Variants in SLC17A7 observed in about 807,000 individuals in gnomAD.
The protein encoded by SLC17A7 is solute carrier family 17 member 7, also known as vesicular glutamate transporter 1.
Under a neutral mutation model 59.1 loss-of-function variants are expected in SLC17A7, and 15 were observed. That is an observed-to-expected ratio of 0.25 (90% CI 0.17 to 0.39). The LOEUF (loss-of-function observed/expected upper bound fraction) is 0.39, where lower values mean the gene tolerates loss of function less well. Ranked by LOEUF, SLC17A7 falls within the 10% of genes least tolerant of loss-of-function variation. The pLI, the probability that SLC17A7 is intolerant of heterozygous loss-of-function variation, is 1.00. For synonymous variants in SLC17A7, 353 were observed against 308.9 expected, an observed-to-expected ratio of 1.14 and a Z score of -1.50; for missense variants, 499 against 765.1, an observed-to-expected ratio of 0.65 and a Z score of 4.10.
chr19:49,436,488 G>A lies in SLC17A7; in HGVS notation c.315+61C>T, dbSNP rs1367125460. 2 of 1,580,468 alleles carry A rather than the reference G, an allele frequency of 1.3e-6. No homozygotes were observed. The highest frequency in any genetic ancestry group is 1.7e-6 in the Non-Finnish European group (2 of 1,165,468). The stretch of plus-strand genomic sequence containing the variant: ...CTGGTGGGTGAGTGTGACGTCATGG[G>A]GGCGTAGGCGGAGCTCGGTGAGCGG... On this transcript the variant is annotated intron_variant, in intron 2 of 11. Transcript: ENST00000221485. The surrounding 1 kb of genome is among the most constrained non-coding windows in gnomAD (Gnocchi z 4.1).
intron 1 of SLC17A7, among the ~76,000 whole-genome samples, chr19:49,439,945 A>G (rs1235484857): frequency 6.6e-6 from 1 of 151,670 alleles, no homozygotes; most frequent in African/African-American, 2.4e-5. Context: ...TCTCTCTCTC[A>G]TTCTCCTGAC....
chr19:49,432,969 G>A lies in SLC17A7; in HGVS notation c.868-9C>T. ...CAGGGAGTGCTAAACTTCTGTGGGG[G>A]CGAGGGGAGGGCCGCTAAGACGGGG... On this transcript the variant is annotated splice_polypyrimidine_tract_variant and intron_variant, in intron 7 of 11. Transcript: ENST00000221485. 2 of 1,604,166 alleles carry A rather than the reference G, an allele frequency of 1.2e-6. No individual in the cohort carries two copies. The highest frequency in any genetic ancestry group is 1.7e-6 in the Non-Finnish European group (2 of 1,175,610).
Position 49,431,917 on chromosome 19 carries a change from G to A in SLC17A7, c.1151-469C>T, listed in dbSNP as rs773527414. Reference sequence around the variant, plus strand: ...GCCTCCGAAAGTGCTGGGATAACAGGGGTTAGCCACCATGCCCTGCCTGTT... The same window carrying A: ...GCCTCCGAAAGTGCTGGGATAACAGAGGTTAGCCACCATGCCCTGCCTGTT... On this transcript the variant is annotated intron_variant, in intron 9 of 11. Transcript: ENST00000221485. This position sits in a 1 kb window ranked among gnomAD's most constrained non-coding sequence, Gnocchi z 4.6. Among the ~76,000 whole-genome samples, 4 of 152,078 alleles carry A rather than the reference G, an allele frequency of 2.6e-5. No individual in the cohort carries two copies. Among genetic ancestry groups the A allele is most frequent in the Non-Finnish European group, 4.4e-5 (3 of 68,030 alleles).
intron 5 of SLC17A7, 77 bp downstream of exon 5, chr19:49,434,525 C>CAA: frequency 5.5e-6 from 7 of 1,281,894 alleles, no homozygotes; most frequent in Non-Finnish European, 7.6e-6. Flanking sequence ...CCCAGCCCCT[C>CAA]CCCGCTCAGA....
Position 49,433,759 on chromosome 19 carries a change from G to C in SLC17A7, c.834C>G (p.Ile278Met). The C allele has an allele frequency of 6.2e-7, 1 of 1,614,096 alleles. No homozygotes were observed. Among genetic ancestry groups the C allele is most frequent in the Non-Finnish European group, 8.5e-7 (1 of 1,180,020 alleles). ...GGTTCATGAGTTTCGCGCTCTCTCC[G>C]ATGGCGTCCTCGATGTACTTGCGCT... Reference protein sequence around the residue: ...EEERKYIEDAIGESAKLMNPL... With the variant: ...EEERKYIEDAMGESAKLMNPL... Residue 278 changes from isoleucine to methionine, a missense_variant, in exon 7 of 12, where the codon ATC (isoleucine) becomes ATG (methionine). Coordinates refer to ENST00000221485, the MANE Select transcript of SLC17A7 (RefSeq NM_020309.4). The surrounding 1 kb of genome is among the most constrained non-coding windows in gnomAD (Gnocchi z 5.7).
At position 49,436,213 on chromosome 19, in the gene SLC17A7, T is replaced by C. The variant is rs185840752; in HGVS notation, c.315+336A>G. 4.8e-4 allele frequency: 163 copies of C among 336,634 alleles called. No homozygotes were observed. Among genetic ancestry groups the C allele is most frequent in the Non-Finnish European group, 8.5e-4 (152 of 179,620 alleles). 20.9% of individuals were successfully genotyped at this position (336,634 alleles called of 1,614,324 possible). ...ATAGATGTGACCCGGGGACATGAGC[T>C]TGGGGTACAGGCGTGAGCAAAATTG... On this transcript the variant is annotated intron_variant, in intron 2 of 11. Transcript: ENST00000221485. The surrounding 1 kb of genome is among the most constrained non-coding windows in gnomAD (Gnocchi z 4.1).
In SLC17A7 at chr19:49,429,700, G is replaced by T. The variant is rs2078950488; in HGVS notation, c.*819C>A. Reference sequence around the variant, plus strand: ...AGGAGAATAAAGTGCGAGGAATTGGGGAGGGGGCATCATGAAACCACCATG... The same window carrying T: ...AGGAGAATAAAGTGCGAGGAATTGGTGAGGGGGCATCATGAAACCACCATG... On this transcript the variant is annotated 3_prime_UTR_variant, in exon 12 of 12. Coordinates refer to ENST00000221485, the MANE Select transcript of SLC17A7 (RefSeq NM_020309.4). 2 of 396,858 alleles carry T rather than the reference G, an allele frequency of 5.0e-6. No individual in the cohort carries two copies. The highest frequency in any genetic ancestry group is 8.9e-6 in the Non-Finnish European group (2 of 225,314). 24.6% of individuals were successfully genotyped at this position (396,858 alleles called of 1,614,324 possible). A position where few individuals can be genotyped will look rare whatever the true frequency, so the allele number is the denominator to read the frequency against.
chr19:49,434,942 T>C, intron 3 of SLC17A7, 60 bp from the exon 4 acceptor site: 1 of 1,529,512 alleles, frequency 6.5e-7, no homozygotes, highest in Non-Finnish European at 9.0e-7. Flanking sequence ...GGATTCTGCC[T>C]TTCCCGCCCA....
intron 1 of SLC17A7, 73 bp downstream of exon 1, chr19:49,441,245 T>A: frequency 6.4e-7 from 1 of 1,561,980 alleles, no homozygotes; most frequent in Non-Finnish European, 8.6e-7. Context: ...CATCTGTCAG[T>A]CTGCGCCCAG....
chr19:49,434,822 G>C lies in SLC17A7; in HGVS notation c.495C>G (p.Ala165=). ...AGATGACACAGCCATAGTGGACGCG[G>C]GCAGCTGAGGGGATCAGCATGTTTA... ...STLNMLIPSA[A]RVHYGCVIFV... The change falls in exon 4 of 12, where the codon GCC becomes GCG. Residue 165 remains alanine (A), a synonymous_variant. Coordinates refer to ENST00000221485, the MANE Select transcript of SLC17A7 (RefSeq NM_020309.4). 1 of 1,614,170 alleles carries C rather than the reference G, an allele frequency of 6.2e-7. No homozygotes were observed. Among genetic ancestry groups the C allele is most frequent in the South Asian group, 1.1e-5 (1 of 91,078 alleles).
chr19:49,439,903 C>A (rs2078993576), intron 1 of SLC17A7, among the ~76,000 whole-genome samples: 1 of 147,514 alleles, frequency 6.8e-6, no homozygotes. Context: ...CCGCTGCCAC[C>A]CCCCAGCCCC....
At chr19:49,440,176 G>T (rs1328349883) in intron 1 of SLC17A7, among the ~76,000 whole-genome samples, 3 of 152,126 alleles carry the variant, frequency 2.0e-5, no homozygotes, top group South Asian at 4.1e-4. Flanking sequence ...GAGCTAAGAG[G>T]TGATCTGCAG....
rs982540870 is a variant in SLC17A7 at position 49,433,554 on chromosome 19, G to A, written c.867+172C>T. 19 of 874,950 alleles carry A rather than the reference G, an allele frequency of 2.2e-5. No individual in the cohort carries two copies. The highest frequency in any genetic ancestry group is 5.0e-5 in the African/African-American group (3 of 60,088). The allele number at this position is 874,950 out of a possible 1,614,324, so 54.2% of individuals were successfully genotyped here. A position where few individuals can be genotyped will look rare whatever the true frequency, so the allele number is the denominator to read the frequency against. Reference sequence around the variant, plus strand: ...CGACCTAACCCTGCCCCCAGCACCTGAGAATCTCGTCCTCCGCGGGTTGCA... The same window carrying A: ...CGACCTAACCCTGCCCCCAGCACCTAAGAATCTCGTCCTCCGCGGGTTGCA... On this transcript the variant is annotated intron_variant, in intron 7 of 11. Transcript: ENST00000221485. This position sits in a 1 kb window ranked among gnomAD's most constrained non-coding sequence, Gnocchi z 5.7.
intron 9 of SLC17A7, 64 bp downstream of exon 9, chr19:49,432,455 C>T (rs2078964162): frequency 1.3e-6 from 2 of 1,555,720 alleles, no homozygotes; most frequent in African/African-American, 2.7e-5. Flanking sequence ...TCCCCATCAC[C>T]TCTCAATCCG....
At chr19:49,435,507 C>T in intron 2 of SLC17A7, 1 of 479,610 alleles carries the variant, frequency 2.1e-6, no homozygotes, top group Non-Finnish European at 3.7e-6. Context: ...ACAACAGAGT[C>T]CATCACCACC....
intron 3 of SLC17A7, 68 bp downstream of exon 3, chr19:49,435,100 A>G (rs2078975314): frequency 2.2e-5 from 28 of 1,280,054 alleles, no homozygotes; most frequent in Non-Finnish European, 3.0e-5. Context: ...CGCAAATTCA[A>G]GACCACGCCC....
At position 49,429,555 on chromosome 19, in the gene SLC17A7, C is replaced by T. The variant is rs1328728996; in HGVS notation, c.*964G>A. The T allele has an allele frequency of 5.0e-6, 2 of 398,930 alleles. No individual in the cohort carries two copies. The highest frequency in any genetic ancestry group is 3.6e-5 in the East Asian group (1 of 28,092). 24.7% of individuals were successfully genotyped at this position (398,930 alleles called of 1,614,324 possible). A position where few individuals can be genotyped will look rare whatever the true frequency, so the allele number is the denominator to read the frequency against. On this transcript the variant is annotated 3_prime_UTR_variant, in exon 12 of 12. Transcript: ENST00000221485. ...GATTCTGTGACTTCTCTATAGGTTCCCCAAATTCTAAGCTGAAAGAGGGGT... is the reference window on the plus strand; with the variant it reads ...GATTCTGTGACTTCTCTATAGGTTCTCCAAATTCTAAGCTGAAAGAGGGGT...
At chr19:49,435,145 A>G in intron 3 of SLC17A7, 23 bp downstream of exon 3, 2 of 1,560,096 alleles carry the variant, frequency 1.3e-6, no homozygotes. Context: ...GTTACCGCCC[A>G]CTTTGAGACC....
At chr19:49,430,926 A>G in intron 11 of SLC17A7, 89 bp downstream of exon 11, 3 of 1,551,790 alleles carry the variant, frequency 1.9e-6, no homozygotes, top group Non-Finnish European at 2.6e-6. Flanking sequence ...AAAGGCAGGG[A>G]TGGCACCCCA....
Sources: gnomAD v4.1 joint callset for allele counts (sites outside exome capture counted in the v4.1 genomes callset) on GRCh38, gnomAD v4.1.1 for gene constraint, Gnocchi (gnomAD v3.1) non-coding constraint, MANE v1.5 for transcripts, NCBI Gene and HGNC (gene_info 2026-07-23, HGNC 2026-07-21) for gene names.